The following PRMT9 variants were observed in gnomAD, a reference collection of about 807,000 sequenced individuals.
The protein encoded by PRMT9 is protein arginine N-methyltransferase 9.
PRMT9 carries 59 observed loss-of-function variants against 83.2 expected under a neutral mutation model. The ratio of observed to expected loss-of-function variants is 0.71; its 90% confidence interval spans 0.57 to 0.88. The LOEUF (loss-of-function observed/expected upper bound fraction) is 0.88. PRMT9 is among the 40% of genes least tolerant of loss of function. The probability of loss-of-function intolerance (pLI) is 0.00; values close to 1 mark genes in which losing one functional copy is unlikely to be tolerated. For synonymous variants in PRMT9, 333 were observed against 353.2 expected, an observed-to-expected ratio of 0.94 and a Z score of 0.64; for missense variants, 947 against 1,021.9, an observed-to-expected ratio of 0.93 and a Z score of 1.00.
intron 9 of PRMT9, among the ~76,000 whole-genome samples, chr4:147,643,142 CT>C (rs1733520724): frequency 6.6e-6 from 1 of 152,034 alleles, no homozygotes; most frequent in Admixed American, 6.6e-5. Context: ...TGGCATGCAC[CT>C]GTAGTTCCAC....
At chr4:147,667,339 T>G (rs1429098799) in intron 6 of PRMT9, among the ~76,000 whole-genome samples, 3 of 152,192 alleles carry the variant, frequency 2.0e-5, no homozygotes, top group Non-Finnish European at 4.4e-5. Flanking sequence ...CACCAAGAAG[T>G]TGATTTTTTA....
At chr4:147,658,570 T>C (rs1560983371) in intron 7 of PRMT9, among the ~76,000 whole-genome samples, 1 of 152,168 alleles carries the variant, frequency 6.6e-6, no homozygotes, top group Non-Finnish European at 1.5e-5. Context: ...GATTTGTGTG[T>C]GGCTAAGAAA....
intron 2 of PRMT9, among the ~76,000 whole-genome samples, chr4:147,678,849 A>G (rs1341111242): frequency 6.6e-6 from 1 of 152,158 alleles, no homozygotes; most frequent in East Asian, 1.9e-4. Flanking sequence ...GGAACTTTGG[A>G]GGCTTGCACC....
At chr4:147,675,691 T>A (rs952347893) in intron 2 of PRMT9, among the ~76,000 whole-genome samples, 5 of 152,202 alleles carry the variant, frequency 3.3e-5, no homozygotes, top group Non-Finnish European at 5.9e-5. Flanking sequence ...CATTAAAGCA[T>A]ATCTCATTGA....
At chr4:147,638,828 A>G in intron 11 of PRMT9, 81 bp from the exon 12 acceptor site, 1 of 1,366,900 alleles carries the variant, frequency 7.3e-7, no homozygotes, top group African/African-American at 1.5e-5. Context: ...ACTTTTAAAT[A>G]CAAAAATTTA....
chr4:147,662,073 C>T (rs1735001654), intron 6 of PRMT9, among the ~76,000 whole-genome samples: 1 of 151,968 alleles, frequency 6.6e-6, no homozygotes, highest in African/African-American at 2.4e-5. Flanking sequence ...AAAGAATGTT[C>T]AAGAATGTTT....
chr4:147,655,876 G>A (rs1428389679), intron 8 of PRMT9, among the ~76,000 whole-genome samples: 1 of 151,890 alleles, frequency 6.6e-6, no homozygotes, highest in Non-Finnish European at 1.5e-5. Flanking sequence ...CTTTCTCTAA[G>A]AAGGTTTAAA....
chr4:147,680,178 G>T, intron 2 of PRMT9, 145 bp downstream of exon 2: 2 of 784,206 alleles, frequency 2.6e-6, no homozygotes, highest in South Asian at 1.6e-5. Context: ...AAACTGCTAT[G>T]ATTATTATAT....
rs1319002055 is a variant in PRMT9, at chr4:147,683,988, G to C, written c.-1C>G. The C allele has an allele frequency of 6.2e-7, 1 of 1,612,620 alleles. No individual in the cohort carries two copies. The highest frequency in any genetic ancestry group is 1.7e-5 in the Admixed American group (1 of 59,956). ...GGGACCTGGGCCGCGAGTTCGACAT[G>C]GCAGTCACCACTTGTATGGCCAAAG... On this transcript the variant is annotated 5_prime_UTR_variant, in exon 1 of 12. Coordinates refer to ENST00000322396, the MANE Select transcript of PRMT9 (RefSeq NM_138364.4).
At chr4:147,670,527 C>T (rs992143327) in intron 5 of PRMT9, 114 bp downstream of exon 5, 3 of 839,814 alleles carry the variant, frequency 3.6e-6, no homozygotes, top group Non-Finnish European at 4.0e-6. Flanking sequence ...AGTATGTACA[C>T]CTTGGCAATG....
intron 4 of PRMT9, chr4:147,672,145 T>C (rs963219735): frequency 1.1e-5 from 3 of 269,394 alleles, no homozygotes; most frequent in Non-Finnish European, 1.5e-5. Context: ...GACATTTGCA[T>C]TAATCTAATA....
chr4:147,652,572 G>A (rs763059578), intron 9 of PRMT9, among the ~76,000 whole-genome samples: 1 of 151,914 alleles, frequency 6.6e-6, no homozygotes, highest in South Asian at 2.1e-4. Flanking sequence ...TGTAACCCTA[G>A]CTACTCAGGA....
chr4:147,643,436 A>G (rs552092812), intron 9 of PRMT9, among the ~76,000 whole-genome samples: 3 of 152,342 alleles, frequency 2.0e-5, no homozygotes, highest in African/African-American at 7.2e-5. Context: ...CACTAGAAAT[A>G]ATTTCCCAAG....
chr4:147,662,903 CTTTT>C (rs1200736242), intron 6 of PRMT9, among the ~76,000 whole-genome samples: 1 of 151,950 alleles, frequency 6.6e-6, no homozygotes, highest in South Asian at 2.1e-4. Flanking sequence ...CTCAGTGGCA[CTTTT>C]TTAAGAGAAT....
intron 6 of PRMT9, chr4:147,661,255 G>T: frequency 2.9e-6 from 1 of 342,996 alleles, no homozygotes; most frequent in South Asian, 9.2e-5. Context: ...AAGAATGTCT[G>T]CTCACTAAAA....
At chr4:147,664,005 T>C (rs1479023884) in intron 6 of PRMT9, among the ~76,000 whole-genome samples, 1 of 152,148 alleles carries the variant, frequency 6.6e-6, no homozygotes, top group Non-Finnish European at 1.5e-5. Context: ...TCTGTATTTG[T>C]CAACTGAATC....
At chr4:147,672,838 A>G in intron 4 of PRMT9, 121 bp downstream of exon 4, 1 of 691,950 alleles carries the variant, frequency 1.4e-6, no homozygotes, top group South Asian at 1.7e-5. Context: ...CTTATCCTAT[A>G]TCCATATCTT....
Position 147,660,831 on chromosome 4 carries a change from C to G in PRMT9, c.1146+15G>C, listed in dbSNP as rs1409445595. On this transcript the variant is annotated intron_variant, in intron 7 of 11. Transcript: ENST00000322396. ...GAAATTTAATGCTTGAAAATAGTAA[C>G]TGAATTTTTTTCACCTGAAGGTTGT... 3 of 1,572,958 alleles carry G rather than the reference C, an allele frequency of 1.9e-6. No individual in the cohort carries two copies. Among genetic ancestry groups the G allele is most frequent in the Non-Finnish European group, 2.6e-6 (3 of 1,142,842 alleles).
intron 4 of PRMT9, among the ~76,000 whole-genome samples, chr4:147,671,187 C>T (rs1735705255): frequency 6.6e-6 from 1 of 152,190 alleles, no homozygotes; most frequent in African/African-American, 2.4e-5. Context: ...AATCCTCTTT[C>T]TCAGTTATCA....
Sources: allele counts gnomAD v4.1 joint callset (sites outside exome capture counted in the v4.1 genomes callset), GRCh38; gene constraint gnomAD v4.1.1; transcripts MANE v1.5; gene names NCBI Gene and HGNC (gene_info 2026-07-23, HGNC 2026-07-21).